Variants in SLCO4C1 observed in about 807,000 individuals in gnomAD.
The protein encoded by SLCO4C1 is organic anion transporter M1.
Under a neutral mutation model 72.1 loss-of-function variants are expected in SLCO4C1, and 58 were observed. The ratio of observed to expected loss-of-function variants is 0.80; its 90% CI spans 0.65 to 1.00. The LOEUF (loss-of-function observed/expected upper bound fraction) is 1.00, where lower values mean the gene tolerates loss of function less well. Among genes scored for constraint, SLCO4C1 ranks in the 50% least tolerant of loss-of-function variants. The probability of loss-of-function intolerance (pLI) is 0.00; values close to 1 mark genes in which losing one functional copy is unlikely to be tolerated. For missense variants in SLCO4C1, 898 were observed against 857.9 expected, an observed-to-expected ratio of 1.05 and a Z score of -0.58; for synonymous variants, 297 against 312.5, an observed-to-expected ratio of 0.95 and a Z score of 0.52.
At chr5:102,264,371 TA>T (rs765882563) in intron 3 of SLCO4C1, among the ~76,000 whole-genome samples, 3 of 152,032 alleles carry the variant, frequency 2.0e-5, no homozygotes, top group Non-Finnish European at 2.9e-5. Flanking sequence ...TGAATTTTCA[TA>T]AAACAAAAGT....
At chr5:102,251,851 T>C (rs1225949044) in intron 8 of SLCO4C1, among the ~76,000 whole-genome samples, 1 of 152,124 alleles carries the variant, frequency 6.6e-6, no homozygotes, top group Non-Finnish European at 1.5e-5. Flanking sequence ...AGTCCACTTA[T>C]TTAATAAAGA....
At chr5:102,293,508 A>G (rs1303611636) in intron 1 of SLCO4C1, among the ~76,000 whole-genome samples, 5 of 152,216 alleles carry the variant, frequency 3.3e-5, no homozygotes, top group African/African-American at 1.2e-4. Context: ...GACAATAGGA[A>G]GCACATTAGA....
intron 5 of SLCO4C1, among the ~76,000 whole-genome samples, chr5:102,260,696 T>C (rs1352224719): frequency 2.0e-5 from 3 of 152,096 alleles, no homozygotes; most frequent in Non-Finnish European, 2.9e-5. Flanking sequence ...TCCTTTCAAA[T>C]GGTTCTCTTT....
intron 4 of SLCO4C1, among the ~76,000 whole-genome samples, chr5:102,263,001 C>T (rs1325754059): frequency 6.6e-6 from 1 of 152,076 alleles, no homozygotes; most frequent in East Asian, 1.9e-4. Context: ...AGTAAAGGCA[C>T]AAATTTCTCT....
At chr5:102,277,056 T>C (rs1749259755) in intron 2 of SLCO4C1, among the ~76,000 whole-genome samples, 1 of 152,006 alleles carries the variant, frequency 6.6e-6, no homozygotes, top group South Asian at 2.1e-4. Flanking sequence ...GATTTTCAGC[T>C]GAATAAGTTA....
rs756823320 is a variant in SLCO4C1 at position 102,260,274 on chromosome 5, C to T, written c.1067G>A (p.Ser356Asn). Residue 356 changes from serine to asparagine, a missense_variant, in exon 6 of 13, where the codon AGT becomes AAT. Physicochemically the swap from Ser to Asn is conservative, Grantham distance 46. Transcript: ENST00000310954. ...AAATTTCACATCTGCATTACTATTACTCTGATGAGCCTGGGAAGTTTTTCC... is the reference window on the plus strand; with the variant it reads ...AAATTTCACATCTGCATTACTATTATTCTGATGAGCCTGGGAAGTTTTTCC... ...QAGKTSQAHQSNSNADVKFGK... is the reference protein window; with the variant it reads ...QAGKTSQAHQNNSNADVKFGK... The T allele has an allele frequency of 5.7e-6, 8 of 1,393,360 alleles. 1 individual carries two copies. In the Admixed American group the frequency reaches 1.6e-4, roughly 28 times the overall value. The allele number at this position is 1,393,360 out of a possible 1,614,324, so 86.3% of individuals were successfully genotyped here. A position where few individuals can be genotyped will look rare whatever the true frequency, so the allele number is the denominator to read the frequency against.
rs374994606 is a variant in SLCO4C1, at chr5:102,258,023, G to A, written c.1193C>T (p.Thr398Ile). The change falls in exon 7 of 13, where the codon ACT (threonine) becomes ATT (isoleucine). Residue 398 changes from threonine (T) to isoleucine (I), a missense_variant. Physicochemically the swap from Thr to Ile is moderately conservative, Grantham distance 89. Coordinates refer to ENST00000310954, the MANE Select transcript of SLCO4C1 (RefSeq NM_180991.5). ...VLSTSSEALITTGFATFLPKF... is the reference protein window; with the variant it reads ...VLSTSSEALIITGFATFLPKF... The stretch of plus-strand genomic sequence containing the variant: ...AGGTAAAAATGTAGCAAATCCAGTA[G>A]TAATTAAGGCTTCTGAAGAAGTTGA... 1 of 1,606,814 alleles carries A rather than the reference G, an allele frequency of 6.2e-7. No homozygotes were observed. Among genetic ancestry groups the A allele is most frequent in the African/African-American group, 1.3e-5 (1 of 74,558 alleles).
chr5:102,260,216 T>C lies in SLCO4C1; in HGVS notation c.1125A>G (p.Leu375=). 2 of 1,302,452 alleles carry C rather than the reference T, an allele frequency of 1.5e-6. No homozygotes were observed. Among genetic ancestry groups the C allele is most frequent in the Non-Finnish European group, 2.0e-6 (2 of 986,940 alleles). The allele number at this position is 1,302,452 out of a possible 1,614,324, so 80.7% of individuals were successfully genotyped here. ...GKSIKDFPAA[L]KNLMKNAVFM... ...ACAGAGAAGAATTTTATTTTACCTT[T>C]AGAGCAGCTGGAAAATCTTTAATAC... Residue 375 remains leucine, a synonymous_variant, in exon 6 of 13, where the codon CTA becomes CTG. Coordinates refer to ENST00000310954, the MANE Select transcript of SLCO4C1 (RefSeq NM_180991.5).
chr5:102,271,440 T>C (rs183746857), intron 2 of SLCO4C1, among the ~76,000 whole-genome samples: 3 of 151,670 alleles, frequency 2.0e-5, no homozygotes, highest in Admixed American at 2.0e-4. Context: ...AGCCTATCTA[T>C]AGGACAGGTT....
intron 1 of SLCO4C1, among the ~76,000 whole-genome samples, chr5:102,294,057 C>T (rs1165229024): frequency 6.6e-6 from 1 of 152,144 alleles, no homozygotes; most frequent in African/African-American, 2.4e-5. Flanking sequence ...TGCAGGCATG[C>T]GCCACAATGC....
At chr5:102,289,009 T>A (rs1257324033) in intron 2 of SLCO4C1, among the ~76,000 whole-genome samples, 1 of 152,222 alleles carries the variant, frequency 6.6e-6, no homozygotes, top group Non-Finnish European at 1.5e-5. Flanking sequence ...TCAATAAATA[T>A]ATATTGTATG....
intron 2 of SLCO4C1, among the ~76,000 whole-genome samples, chr5:102,271,390 G>A (rs1228644274): frequency 6.6e-6 from 1 of 150,946 alleles, no homozygotes; most frequent in Non-Finnish European, 1.5e-5. Flanking sequence ...ATGTTATGAT[G>A]TACATATTTT....
Position 102,296,253 on chromosome 5 carries a change from C to T in SLCO4C1, c.10G>A (p.Ala4Thr), listed in dbSNP as rs2112412542. Residue 4 changes from alanine to threonine, a missense_variant, in exon 1 of 13, where the codon GCC becomes ACC. Physicochemically the swap from Ala to Thr is moderately conservative, Grantham distance 58 (BLOSUM62 0). Coordinates refer to ENST00000310954, the MANE Select transcript of SLCO4C1 (RefSeq NM_180991.5). MKS[A>T]KGIENLAFVP... is the part of the protein sequence containing the mutation. ...AAAGCCAAGTTCTCAATACCTTTGG[C>T]GCTCTTCATGTCTGGATGGGTTCTC... The T allele has an allele frequency of 1.3e-6, 2 of 1,539,930 alleles. No homozygotes were observed. The highest frequency in any genetic ancestry group is 8.7e-7 in the Non-Finnish European group (1 of 1,144,740).
intron 1 of SLCO4C1, among the ~76,000 whole-genome samples, chr5:102,292,433 C>T (rs939213689): frequency 2.0e-5 from 3 of 152,066 alleles, no homozygotes; most frequent in Admixed American, 6.5e-5. Context: ...ATAACTTTGA[C>T]TATTACTTTA....
chr5:102,295,624 G>A (rs957180741), intron 1 of SLCO4C1, among the ~76,000 whole-genome samples: 1 of 152,228 alleles, frequency 6.6e-6, no homozygotes, highest in Non-Finnish European at 1.5e-5. Flanking sequence ...AATCTTCCCT[G>A]TAAGTCTTGA....
chr5:102,247,521 T>C lies in SLCO4C1; in HGVS notation c.1621-79A>G, dbSNP rs565225939. 7 of 924,238 alleles carry C rather than the reference T, an allele frequency of 7.6e-6. No individual in the cohort carries two copies. The East Asian group carries it at 1.0e-4, about 14-fold the overall frequency. 57.3% of individuals were successfully genotyped at this position (924,238 alleles called of 1,614,324 possible). ...TTGTAAATTAGGTATTCTCTAGACATGGCAAACACTCTCATACTGTCTTAA... is the reference window on the plus strand; with the variant it reads ...TTGTAAATTAGGTATTCTCTAGACACGGCAAACACTCTCATACTGTCTTAA... On this transcript the variant is annotated intron_variant, in intron 9 of 12. Transcript: ENST00000310954.
chr5:102,242,790 C>T (rs941501182), intron 10 of SLCO4C1, among the ~76,000 whole-genome samples: 11 of 152,204 alleles, frequency 7.2e-5, no homozygotes, highest in African/African-American at 1.2e-4. Flanking sequence ...TTGGTGGCTA[C>T]GGGGCAAAAC....
At chr5:102,278,875 T>A (rs1749303069) in intron 2 of SLCO4C1, among the ~76,000 whole-genome samples, 1 of 151,694 alleles carries the variant, frequency 6.6e-6, no homozygotes, top group African/African-American at 2.4e-5. Context: ...AGCACTAAAA[T>A]GCATACATTA....
Position 102,295,974 on chromosome 5 carries a change from A to G in SLCO4C1, c.289T>C (p.Cys97Arg). 6.2e-7 allele frequency: 1 copy of G among 1,614,274 alleles called. No individual in the cohort carries two copies. Among genetic ancestry groups the G allele is most frequent in the South Asian group, 1.1e-5 (1 of 91,092 alleles). Residue 97 changes from cysteine to arginine, a missense_variant, in exon 1 of 13, where the codon TGT becomes CGT. By Grantham distance (180) the Cys-to-Arg change is radical. Transcript: ENST00000310954. ...CCAGGTGTGTTGCAGCGCTGGAGAC[A>G]TTGAGGATGGAAGTTCCTCCAGCCG... ...SYGWRNFHPQ[C>R]LQRCNTPGGF...
Sources: allele counts gnomAD v4.1 joint callset (sites outside exome capture counted in the v4.1 genomes callset), GRCh38; gene constraint gnomAD v4.1.1; transcripts MANE v1.5; gene names NCBI Gene and HGNC (gene_info 2026-07-23, HGNC 2026-07-21).